The following IL33 variants were observed in gnomAD, a reference collection of about 807,000 sequenced individuals.
The protein encoded by IL33 is interleukin 33.
A neutral mutation model predicts 27.3 loss-of-function variants in IL33; 37 were observed. The ratio of observed to expected loss-of-function variants is 1.36; its 90% CI spans 1.04 to 1.78. IL33 has a LOEUF of 1.78. IL33 is among the 40% of genes most tolerant of loss of function. IL33 has a pLI of 0.00. For missense variants in IL33, 406 were observed against 311.4 expected (o/e 1.30, Z -2.29); for synonymous variants, 132 against 102.9 (o/e 1.28, Z -1.71).
intron 1 of IL33, among the ~76,000 whole-genome samples, chr9:6,218,310 C>T (rs1049571599): frequency 8.6e-5 from 13 of 151,972 alleles, no homozygotes; most frequent in Admixed American, 5.9e-4. Flanking sequence ...TATCTACAGC[C>T]AGAAAGCACC....
rs1816708725 is a variant in IL33 at position 6,256,004 on chromosome 9, T to G, written c.649T>G (p.Phe217Val). The change falls in exon 8 of 8, where the codon TTC (phenylalanine) becomes GTC (valine). Residue 217 changes from phenylalanine to valine, a missense_variant. Transcript: ENST00000682010. ...KCEKPLPDQA[F>V]FVLHNMHSNC... ...TGAAAAACCACTGCCAGACCAGGCCTTCTTTGTCCTTCATAATATGCACTC... is the reference window on the plus strand; with the variant it reads ...TGAAAAACCACTGCCAGACCAGGCCGTCTTTGTCCTTCATAATATGCACTC... 4 of 1,613,760 alleles carry G rather than the reference T, an allele frequency of 2.5e-6. No individual in the cohort carries two copies. The East Asian group carries it at 6.7e-5, about 27-fold the overall frequency.
chr9:6,217,495 G>A (rs549447752), intron 1 of IL33, among the ~76,000 whole-genome samples: 3 of 152,128 alleles, frequency 2.0e-5, no homozygotes, highest in Admixed American at 1.3e-4. Flanking sequence ...AGCATGATGG[G>A]GGTTGGTTAT....
chr9:6,218,675 CAT>C (rs950530789), intron 1 of IL33, among the ~76,000 whole-genome samples: 3 of 128,980 alleles, frequency 2.3e-5, no homozygotes, highest in African/African-American at 9.1e-5. Context: ...TATATATCCC[CAT>C]ATATATATGT....
intron 2 of IL33, among the ~76,000 whole-genome samples, chr9:6,243,141 A>G (rs1412133605): frequency 2.0e-5 from 3 of 152,176 alleles, no homozygotes; most frequent in Non-Finnish European, 4.4e-5. Flanking sequence ...TTTCAACAGG[A>G]GACTTGGTGG....
chr9:6,251,394 G>A (rs1350216404), intron 4 of IL33, 129 bp downstream of exon 4: 2 of 1,360,400 alleles, frequency 1.5e-6, no homozygotes, highest in Non-Finnish European at 2.0e-6. Flanking sequence ...CTGCCCATTT[G>A]CAGCTGATGT....
chr9:6,252,096 C>T (rs58994941), intron 4 of IL33, among the ~76,000 whole-genome samples: 1 of 75,536 alleles, frequency 1.3e-5, no homozygotes, highest in Non-Finnish European at 2.7e-5. Context: ...AACAAAAAAA[C>T]CAACTTTACC....
chr9:6,253,452 A>C (rs1816528130), intron 5 of IL33, 100 bp from the exon 6 acceptor site: 5 of 759,928 alleles, frequency 6.6e-6, no homozygotes, highest in Non-Finnish European at 1.1e-5. Flanking sequence ...ATTGATATAT[A>C]ATAAAAGGGG....
intron 2 of IL33, 145 bp from the exon 3 acceptor site, chr9:6,250,329 C>A: frequency 2.1e-6 from 2 of 949,344 alleles, no homozygotes; most frequent in East Asian, 5.3e-5. Context: ...TAAAAAACTC[C>A]GAATTTTGAA....
chr9:6,253,781 T>A (rs1183371447), intron 6 of IL33, among the ~76,000 whole-genome samples, 179 bp downstream of exon 6: 1 of 152,234 alleles, frequency 6.6e-6, no homozygotes, highest in Non-Finnish European at 1.5e-5. Context: ...ATTTTACAGC[T>A]TAATCGTTAG....
intron 2 of IL33, among the ~76,000 whole-genome samples, chr9:6,250,117 A>G (rs190124473): frequency 4.8e-4 from 73 of 152,296 alleles, no homozygotes; most frequent in South Asian, 4.1e-3. Context: ...CTTATTTGAC[A>G]GCAAAATATG....
At chr9:6,215,652 T>A (rs943025958), upstream of IL33, 2 of 152,224 alleles carry the variant, frequency 1.3e-5, no homozygotes, top group African/African-American at 4.8e-5. Context: ...CAGAAAGTAG[T>A]GAGCCTTAGA....
intron 7 of IL33, among the ~76,000 whole-genome samples, chr9:6,254,950 AACT>A (rs1425819875): frequency 2.6e-5 from 4 of 152,262 alleles, no homozygotes; most frequent in Non-Finnish European, 5.9e-5. Flanking sequence ...TGGCTTTAGG[AACT>A]ACTATGTTCC....
chr9:6,246,850 T>C (rs1819887991), intron 2 of IL33, among the ~76,000 whole-genome samples: 1 of 152,174 alleles, frequency 6.6e-6, no homozygotes, highest in Admixed American at 6.5e-5. Flanking sequence ...AGACACCAAA[T>C]AAAACTCTTT....
At chr9:6,244,553 G>A (rs1819711782) in intron 2 of IL33, among the ~76,000 whole-genome samples, 1 of 152,182 alleles carries the variant, frequency 6.6e-6, no homozygotes, top group Non-Finnish European at 1.5e-5. Flanking sequence ...TAATGTGAAT[G>A]TCTGCTCTCT....
intron 4 of IL33, among the ~76,000 whole-genome samples, chr9:6,251,573 C>T (rs1044944385): frequency 1.3e-5 from 2 of 151,890 alleles, no homozygotes; most frequent in African/African-American, 4.8e-5. Context: ...AACACATTTT[C>T]CCCCCAAATT....
intron 1 of IL33, among the ~76,000 whole-genome samples, chr9:6,235,073 T>A (rs1253876698): frequency 6.6e-6 from 1 of 152,200 alleles, no homozygotes; most frequent in Non-Finnish European, 1.5e-5. Flanking sequence ...GACAAGAGTC[T>A]CACTCTGTGG....
chr9:6,234,496 A>G (rs920397080), intron 1 of IL33, among the ~76,000 whole-genome samples: 1 of 152,216 alleles, frequency 6.6e-6, no homozygotes, highest in Non-Finnish European at 1.5e-5. Context: ...GCATTGTGGC[A>G]GACGTGCCCC....
chr9:6,228,677 C>T (rs564829248), intron 1 of IL33, among the ~76,000 whole-genome samples: 1 of 151,830 alleles, frequency 6.6e-6, no homozygotes, highest in Non-Finnish European at 1.5e-5. Context: ...GGCAACAAAG[C>T]GAGACCCTGT....
At chr9:6,246,613 G>T (rs1045514034) in intron 2 of IL33, among the ~76,000 whole-genome samples, 1 of 152,068 alleles carries the variant, frequency 6.6e-6, no homozygotes, top group African/African-American at 2.4e-5. Context: ...GGGTGATTAG[G>T]TAATAAAGGC....
Sources: gnomAD v4.1 joint callset for allele counts (sites outside exome capture counted in the v4.1 genomes callset) on GRCh38, gnomAD v4.1.1 for gene constraint, MANE v1.5 for transcripts, NCBI Gene and HGNC (gene_info 2026-07-23, HGNC 2026-07-21) for gene names.